The following SH3RF1 variants were observed in gnomAD, a reference collection of about 807,000 sequenced individuals.
SH3RF1 encodes E3 ubiquitin-protein ligase SH3RF1.
Under a neutral mutation model 74.0 loss-of-function variants are expected in SH3RF1, and 32 were observed. The ratio of observed to expected loss-of-function variants is 0.43; its 90% CI spans 0.33 to 0.58. The LOEUF is 0.58. Ranked by LOEUF, SH3RF1 falls within the 20% of genes least tolerant of loss-of-function variation. The pLI is 0.05. For missense variants in SH3RF1, 954 were observed against 1,130.9 expected (o/e 0.84, Z 2.24); for synonymous variants, 396 against 439.6 (o/e 0.90, Z 1.24).
At chr4:169,169,565 C>T (rs769311017) in intron 2 of SH3RF1, among the ~76,000 whole-genome samples, 3 of 151,926 alleles carry the variant, frequency 2.0e-5, no homozygotes, top group Non-Finnish European at 2.9e-5. Flanking sequence ...CCACTGCACT[C>T]CAGCCTGGGC....
At chr4:169,144,566 C>T (rs912226690) in intron 4 of SH3RF1, among the ~76,000 whole-genome samples, 2 of 151,992 alleles carry the variant, frequency 1.3e-5, no homozygotes, top group African/African-American at 4.8e-5. Context: ...TAAAAGAAAA[C>T]CTAAGAAACA....
At chr4:169,096,853 A>C (rs1732940282) in intron 11 of SH3RF1, among the ~76,000 whole-genome samples, 166 bp from the exon 12 acceptor site, 1 of 152,228 alleles carries the variant, frequency 6.6e-6, no homozygotes, top group Admixed American at 6.5e-5. Flanking sequence ...GTAGAGACTT[A>C]GTACTAACAA....
intron 2 of SH3RF1, among the ~76,000 whole-genome samples, chr4:169,217,665 T>C (rs1730489203): frequency 6.6e-6 from 1 of 152,066 alleles, no homozygotes; most frequent in Non-Finnish European, 1.5e-5. Flanking sequence ...GCATCAGATA[T>C]GAGGAATAAA....
At chr4:169,228,608 T>C (rs1319481736) in intron 2 of SH3RF1, among the ~76,000 whole-genome samples, 2 of 152,150 alleles carry the variant, frequency 1.3e-5, no homozygotes, top group Non-Finnish European at 2.9e-5. Context: ...CCCAGGATCA[T>C]CATCTCCTCT....
intron 2 of SH3RF1, among the ~76,000 whole-genome samples, chr4:169,253,076 G>A (rs368256701): frequency 1.3e-5 from 2 of 152,074 alleles, no homozygotes; most frequent in Non-Finnish European, 2.9e-5. Flanking sequence ...AGTTTGGATC[G>A]CAAAGAAGAA....
In SH3RF1 at chr4:169,096,057, A is replaced by C. The variant is rs1200133906; in HGVS notation, c.*462T>G. On this transcript the variant is annotated 3_prime_UTR_variant, in exon 12 of 12. Coordinates refer to ENST00000284637, the MANE Select transcript of SH3RF1 (RefSeq NM_020870.4). ...CAGGGAGGAGGAGAGGGGAAAATGC[A>C]TTCACTCTATGTCAAAACGAATCTC... is the stretch of plus-strand genomic sequence containing the variant. The C allele has an allele frequency of 6.5e-6, 1 of 152,970 alleles. No homozygotes were observed. Among genetic ancestry groups the C allele is most frequent in the African/African-American group, 2.4e-5 (1 of 41,478 alleles). The allele number at this position is 152,970 out of a possible 1,614,324, so 9.5% of individuals were successfully genotyped here. A position where few individuals can be genotyped will look rare whatever the true frequency, so the allele number is the denominator to read the frequency against.
intron 2 of SH3RF1, among the ~76,000 whole-genome samples, chr4:169,241,225 G>A (rs969361083): frequency 1.3e-5 from 2 of 152,112 alleles, no homozygotes; most frequent in East Asian, 3.9e-4. Flanking sequence ...GCGAGACTCC[G>A]TCTCAAAATA....
At chr4:169,249,977 G>C (rs112549843) in intron 2 of SH3RF1, among the ~76,000 whole-genome samples, 1 of 152,110 alleles carries the variant, frequency 6.6e-6, no homozygotes, top group Admixed American at 6.6e-5. Flanking sequence ...ACGATTATCT[G>C]AAGTCTGATT....
chr4:169,172,786 C>T (rs977911786), intron 2 of SH3RF1, among the ~76,000 whole-genome samples: 4 of 151,948 alleles, frequency 2.6e-5, no homozygotes, highest in South Asian at 2.1e-4. Flanking sequence ...GCTGCCAGCG[C>T]GGCTAGAACA....
intron 2 of SH3RF1, among the ~76,000 whole-genome samples, chr4:169,194,010 G>A (rs1053150994): frequency 7.2e-5 from 11 of 152,032 alleles, no homozygotes; most frequent in African/African-American, 2.7e-4. Context: ...TGCCAGACTT[G>A]TAAAAAGGGG....
intron 2 of SH3RF1, among the ~76,000 whole-genome samples, chr4:169,195,987 T>G (rs1299012226): frequency 6.6e-6 from 1 of 152,188 alleles, no homozygotes; most frequent in Non-Finnish European, 1.5e-5. Context: ...GTAATTTTTA[T>G]ATTTTTAGTA....
chr4:169,202,565 G>A (rs1197897440), intron 2 of SH3RF1, among the ~76,000 whole-genome samples: 1 of 152,142 alleles, frequency 6.6e-6, no homozygotes, highest in Non-Finnish European at 1.5e-5. Flanking sequence ...TAGTATTTGG[G>A]TTAATAACAC....
intron 2 of SH3RF1, among the ~76,000 whole-genome samples, chr4:169,169,812 C>T (rs887208621): frequency 2.6e-5 from 4 of 152,036 alleles, no homozygotes; most frequent in Admixed American, 1.3e-4. Flanking sequence ...ACTGAAGCCT[C>T]GACCTCCTGG....
intron 2 of SH3RF1, among the ~76,000 whole-genome samples, chr4:169,256,755 C>A (rs924053014): frequency 6.6e-6 from 1 of 151,972 alleles, no homozygotes. Context: ...TGCCACCATG[C>A]CCAGCTAATT....
Position 169,104,176 on chromosome 4 carries a change from TGCCTAGGGAGA to T in SH3RF1, c.2498+2660_2498+2670del, listed in dbSNP as rs1336960851. ...AGGGAGGCTGCAGTGCCCATGCCAG[TGCCTAGGGAGA>T]GTCTGGGCAAAGTGAACCATCACTC... On this transcript the variant is annotated intron_variant, in intron 11 of 11. Coordinates refer to ENST00000284637, the MANE Select transcript of SH3RF1 (RefSeq NM_020870.4). Among the ~76,000 whole-genome samples, 12 of 152,156 alleles carry T rather than the reference TGCCTAGGGAGA, an allele frequency of 7.9e-5. No homozygotes were observed. In the East Asian group the frequency reaches 2.3e-3, roughly 29 times the overall value.
chr4:169,172,784 C>T (rs1022070425), intron 2 of SH3RF1, among the ~76,000 whole-genome samples: 7 of 152,008 alleles, frequency 4.6e-5, no homozygotes, highest in South Asian at 2.1e-4. Context: ...TGGCTGCCAG[C>T]GCGGCTAGAA....
chr4:169,208,402 G>A (rs1486445896), intron 2 of SH3RF1, among the ~76,000 whole-genome samples: 1 of 152,100 alleles, frequency 6.6e-6, no homozygotes, highest in Non-Finnish European at 1.5e-5. Flanking sequence ...AAAGGAAGCA[G>A]CAATGGGTAG....
intron 11 of SH3RF1, among the ~76,000 whole-genome samples, chr4:169,100,832 T>A (rs191529750): frequency 6.6e-6 from 1 of 152,280 alleles, no homozygotes; most frequent in East Asian, 1.9e-4. Flanking sequence ...AACACTCCCC[T>A]AAGCCTGAAC....
At chr4:169,128,583 T>A (rs959522057) in intron 6 of SH3RF1, among the ~76,000 whole-genome samples, 1 of 152,194 alleles carries the variant, frequency 6.6e-6, no homozygotes, top group Non-Finnish European at 1.5e-5. Flanking sequence ...CCCACCTTGT[T>A]TCTAAATCAG....
Sources: gnomAD v4.1 joint callset for allele counts (sites outside exome capture counted in the v4.1 genomes callset) on GRCh38, gnomAD v4.1.1 for gene constraint, MANE v1.5 for transcripts, NCBI Gene and HGNC (gene_info 2026-07-23, HGNC 2026-07-21) for gene names.